The following SLC39A11 variants were observed in gnomAD, a reference collection of about 807,000 sequenced individuals.
SLC39A11 encodes the protein zinc transporter ZIP11.
SLC39A11 carries 33 observed loss-of-function variants against 36.1 expected under a neutral mutation model. The observed-to-expected ratio is 0.91, with a 90% confidence interval of 0.69 to 1.22. SLC39A11 has a LOEUF of 1.22. Ranked by LOEUF, SLC39A11 falls within the 50% of genes most tolerant of loss-of-function variation. The pLI is 0.00. For missense variants in SLC39A11, 432 were observed against 430.3 expected, an observed-to-expected ratio of 1.00 and a Z score of -0.03; for synonymous variants, 166 against 170.3, an observed-to-expected ratio of 0.97 and a Z score of 0.20.
intron 5 of SLC39A11, among the ~76,000 whole-genome samples, chr17:72,867,357 G>A (rs1442597577): frequency 5.3e-5 from 8 of 151,962 alleles, no homozygotes; most frequent in Admixed American, 3.9e-4. Flanking sequence ...AAAATCAGCC[G>A]AGCATGGTGG....
chr17:73,082,133 A>AAAAAAAAAAAAAC (rs2060562202), intron 3 of SLC39A11, among the ~76,000 whole-genome samples: 1 of 150,666 alleles, frequency 6.6e-6, no homozygotes, highest in Non-Finnish European at 1.5e-5. Flanking sequence ...AAAGAAAAAA[A>AAAAAAAAAAAAAC]AAAAAAAAAG....
intron 7 of SLC39A11, among the ~76,000 whole-genome samples, chr17:72,711,929 T>C (rs2073119974): frequency 6.6e-6 from 1 of 152,230 alleles, no homozygotes; most frequent in East Asian, 1.9e-4. Context: ...TGTCTCCTGC[T>C]TTCTAGATTG....
At chr17:73,004,213 A>AAGAG (rs1330272156) in intron 4 of SLC39A11, among the ~76,000 whole-genome samples, 1 of 130,322 alleles carries the variant, frequency 7.7e-6, no homozygotes, top group African/African-American at 2.8e-5. Flanking sequence ...GAAAGAAAGA[A>AAGAG]AGAAAGAAAG....
chr17:72,824,830 G>A (rs1208479616), intron 6 of SLC39A11, among the ~76,000 whole-genome samples: 1 of 151,292 alleles, frequency 6.6e-6, no homozygotes, highest in Non-Finnish European at 1.5e-5. Context: ...TTTCTAAGCA[G>A]CAAGGCATTA....
At chr17:72,852,478 G>A (rs2079407285) in intron 5 of SLC39A11, among the ~76,000 whole-genome samples, 1 of 152,238 alleles carries the variant, frequency 6.6e-6, no homozygotes, top group Non-Finnish European at 1.5e-5. Flanking sequence ...GAATTCAGCT[G>A]TCTCAATTGG....
At chr17:72,983,879 C>A (rs1218691942) in intron 4 of SLC39A11, among the ~76,000 whole-genome samples, 3 of 152,182 alleles carry the variant, frequency 2.0e-5, no homozygotes, top group Non-Finnish European at 4.4e-5. Flanking sequence ...TCTGCCCTCA[C>A]CATCTGGGCA....
chr17:72,660,817 C>T (rs952108974), intron 7 of SLC39A11, among the ~76,000 whole-genome samples: 3 of 152,182 alleles, frequency 2.0e-5, no homozygotes, highest in Admixed American at 2.0e-4. Context: ...TGCTTACCAG[C>T]ATCCTCGGCT....
At chr17:72,701,769 G>A (rs1263040061) in intron 7 of SLC39A11, among the ~76,000 whole-genome samples, 4 of 100,866 alleles carry the variant, frequency 4.0e-5, no homozygotes, top group South Asian at 3.5e-4. Flanking sequence ...GAAAGAAAGA[G>A]AAAGAAAAGG....
intron 5 of SLC39A11, among the ~76,000 whole-genome samples, chr17:72,913,785 T>C (rs1342550280): frequency 2.0e-5 from 1 of 50,362 alleles, no homozygotes; most frequent in African/African-American, 1.1e-4. Flanking sequence ...GGGTATCTGA[T>C]AGACTCTGTA....
intron 7 of SLC39A11, among the ~76,000 whole-genome samples, chr17:72,702,922 G>A (rs1019808821): frequency 5.6e-5 from 5 of 89,174 alleles, no homozygotes; most frequent in African/African-American, 2.1e-4. Flanking sequence ...GGGTGACAGA[G>A]TGAGACTCCA....
chr17:73,071,428 C>T (rs2060159025), intron 3 of SLC39A11, among the ~76,000 whole-genome samples: 1 of 152,224 alleles, frequency 6.6e-6, no homozygotes, highest in Non-Finnish European at 1.5e-5. Flanking sequence ...AAAGGAAGAG[C>T]TGCTGCAGCA....
intron 6 of SLC39A11, chr17:72,839,639 T>C (rs1201915336): frequency 6.6e-6 from 1 of 152,252 alleles, no homozygotes; most frequent in Non-Finnish European, 1.5e-5. Context: ...TGCAGGAGAA[T>C]AAATCTGGAT....
At chr17:72,846,416 T>C (rs998515593) in intron 6 of SLC39A11, among the ~76,000 whole-genome samples, 5 of 152,216 alleles carry the variant, frequency 3.3e-5, no homozygotes, top group African/African-American at 1.2e-4. Flanking sequence ...AGACACAGAA[T>C]AGGGTCTCCT....
At chr17:72,849,522 C>T in intron 6 of SLC39A11, 112 bp downstream of exon 6, 1 of 1,181,498 alleles carries the variant, frequency 8.5e-7, no homozygotes. Context: ...CACTCCTCTC[C>T]AAAAAGGACC....
intron 4 of SLC39A11, among the ~76,000 whole-genome samples, chr17:72,974,176 C>T (rs1015910674): frequency 4.6e-5 from 7 of 152,060 alleles, no homozygotes; most frequent in Non-Finnish European, 7.4e-5. Flanking sequence ...TCTGGCTCAC[C>T]GCAACCTCTA....
At chr17:72,713,127 G>C (rs970169546) in intron 7 of SLC39A11, 1 of 152,520 alleles carries the variant, frequency 6.6e-6, no homozygotes, top group African/African-American at 2.4e-5. Context: ...GGCAAGACAT[G>C]GCATTGAAGC....
At chr17:72,788,184 AG>A (rs1260741389) in intron 6 of SLC39A11, among the ~76,000 whole-genome samples, 1 of 152,154 alleles carries the variant, frequency 6.6e-6, no homozygotes, top group African/African-American at 2.4e-5. Flanking sequence ...CCCACTGGTT[AG>A]GCCCAGGTAT....
intron 6 of SLC39A11, among the ~76,000 whole-genome samples, chr17:72,805,915 A>AT (rs925407102): frequency 2.6e-5 from 4 of 151,266 alleles, no homozygotes; most frequent in South Asian, 4.2e-4. Context: ...TGCCCAGCTA[A>AT]TTTTTTTTTG....
At chr17:72,861,688 T>A (rs11077645) in intron 5 of SLC39A11, among the ~76,000 whole-genome samples, 4,756 of 88,742 alleles carry the variant, frequency 0.054, 283 homozygotes, top group African/African-American at 0.088. Flanking sequence ...TATATATATA[T>A]AAAATATATA....
Sources: allele counts gnomAD v4.1 joint callset (sites outside exome capture counted in the v4.1 genomes callset), GRCh38; gene constraint gnomAD v4.1.1; transcripts MANE v1.5; gene names NCBI Gene and HGNC (gene_info 2026-07-23, HGNC 2026-07-21).